TAPBPL: variants seen among roughly 807,000 people sequenced by gnomAD.
TAPBPL encodes the protein tapasin-related protein.
A neutral mutation model predicts 44.8 loss-of-function variants in TAPBPL; 32 were observed. That is an observed-to-expected ratio of 0.71 (90% CI 0.54 to 0.96). TAPBPL has a LOEUF of 0.96. TAPBPL is among the 40% of genes least tolerant of loss of function. The pLI, the probability that TAPBPL is intolerant of heterozygous loss-of-function variation, is 0.00. For synonymous variants in TAPBPL, 230 were observed against 240.7 expected (o/e 0.96, Z 0.41); for missense variants, 520 against 586.6 (o/e 0.89, Z 1.17).
At chr12:6,460,347 ACTCT>A (rs1949818696) in intron 5 of TAPBPL, among the ~76,000 whole-genome samples, 1 of 151,416 alleles carries the variant, frequency 6.6e-6, no homozygotes, top group Non-Finnish European at 1.5e-5. Flanking sequence ...CTCACTGCAA[ACTCT>A]GCCTCCCAGG....
intron 4 of TAPBPL, 100 bp downstream of exon 4, chr12:6,457,844 G>A: frequency 7.6e-7 from 1 of 1,313,840 alleles, no homozygotes. Context: ...TTCCTGAGAA[G>A]CAGGCTTCAA....
intron 3 of TAPBPL, among the ~76,000 whole-genome samples, chr12:6,455,937 T>C (rs1231908622): frequency 6.6e-6 from 1 of 152,076 alleles, no homozygotes; most frequent in Non-Finnish European, 1.5e-5. Flanking sequence ...TTTTTGTATT[T>C]TTAGTAGAGA....
chr12:6,463,727 G>C (rs114509703), downstream of TAPBPL: 718 of 1,155,560 alleles, frequency 6.2e-4, 4 homozygotes, highest in African/African-American at 0.011. The surrounding 1 kb of genome is among the most constrained non-coding windows in gnomAD (Gnocchi z 4.0). Flanking sequence ...TGTAGAAAAT[G>C]TAAAGAAGAG....
At chr12:6,460,651 A>G (rs1331765553) in intron 5 of TAPBPL, among the ~76,000 whole-genome samples, 2 of 152,246 alleles carry the variant, frequency 1.3e-5, no homozygotes, top group Admixed American at 1.3e-4. Flanking sequence ...GAAGAGGTAG[A>G]GAATTCTGTG....
downstream of TAPBPL, among the ~76,000 whole-genome samples, chr12:6,469,576 T>C (rs140677162): frequency 2.0e-5 from 3 of 152,334 alleles, no homozygotes; most frequent in Admixed American, 6.5e-5. Context: ...CACTCAACAG[T>C]AAAATATCTA....
At chr12:6,470,652 G>C, downstream of TAPBPL, 6 of 1,326,474 alleles carry the variant, frequency 4.5e-6, no homozygotes, top group Non-Finnish European at 4.3e-6. Context: ...CGACTACCCC[G>C]CGGTCTAGCT....
chr12:6,455,573 G>A (rs956164548), intron 3 of TAPBPL, among the ~76,000 whole-genome samples: 3 of 152,076 alleles, frequency 2.0e-5, no homozygotes, highest in Non-Finnish European at 2.9e-5. Flanking sequence ...CTCCCCACAC[G>A]ACTGCCTAGT....
intron 1 of TAPBPL, 153 bp downstream of exon 1, chr12:6,452,465 G>A: frequency 1.4e-6 from 2 of 1,441,086 alleles, no homozygotes; most frequent in Non-Finnish European, 1.8e-6. Context: ...GCTGGCAAAG[G>A]AAGGAACCAA....
intron 3 of TAPBPL, among the ~76,000 whole-genome samples, chr12:6,457,097 AGTAG>A (rs1489708940): frequency 6.6e-6 from 1 of 152,242 alleles, no homozygotes; most frequent in Admixed American, 6.5e-5. Context: ...CTGCTACTCT[AGTAG>A]TTCTTACCTG....
At chr12:6,452,650 A>C in intron 1 of TAPBPL, 1 of 1,259,266 alleles carries the variant, frequency 7.9e-7, no homozygotes, top group Non-Finnish European at 1.0e-6. Flanking sequence ...GTGACCTTGA[A>C]GGCGGGGGAG....
rs747011459 is a variant in TAPBPL at position 6,453,334 on chromosome 12, G to A, written c.295+37G>A. The A allele has an allele frequency of 1.9e-6, 3 of 1,611,034 alleles. No individual in the cohort carries two copies. Among genetic ancestry groups the A allele is most frequent in the Non-Finnish European group, 2.5e-6 (3 of 1,178,494 alleles). ...CCACCTGTGTCCTTGGTCCTCCCGG[G>A]CTCCCTCCACCAGGACAGCCCAGGT... On this transcript the variant is annotated intron_variant, in intron 2 of 6. Transcript: ENST00000266556. This position sits in a 1 kb window ranked among gnomAD's most constrained non-coding sequence, Gnocchi z 4.8.
chr12:6,452,557 C>T (rs2136974690), intron 1 of TAPBPL: 2 of 1,395,838 alleles, frequency 1.4e-6, no homozygotes, highest in Non-Finnish European at 1.9e-6. Context: ...TCAGGAGCCA[C>T]TGTCCTACAG....
downstream of TAPBPL, chr12:6,470,651 C>T (rs1945752630): frequency 3.0e-6 from 4 of 1,328,560 alleles, no homozygotes; most frequent in Non-Finnish European, 4.3e-6. Context: ...CCGACTACCC[C>T]GCGGTCTAGC....
Position 6,462,184 on chromosome 12 carries a change from C to T in TAPBPL, c.*35C>T, listed in dbSNP as rs760929425. ...ACATGAGACTACTAGAAAGAAACGA[C>T]ACCCTTCCCCAAGCCCCCACAGCTA... On this transcript the variant is annotated 3_prime_UTR_variant, in exon 7 of 7. Coordinates refer to ENST00000266556, the MANE Select transcript of TAPBPL (RefSeq NM_018009.5). 1.3e-6 allele frequency: 2 copies of T among 1,535,564 alleles called. No homozygotes were observed. Among genetic ancestry groups the T allele is most frequent in the East Asian group, 2.4e-5 (1 of 42,192 alleles).
downstream of TAPBPL, chr12:6,465,357 AG>A (rs1949977019): frequency 4.7e-6 from 1 of 214,354 alleles, no homozygotes. Context: ...AAAAGAAAAA[AG>A]TATATATATA....
chr12:6,454,175 A>C (rs1290852676), intron 3 of TAPBPL, among the ~76,000 whole-genome samples: 1 of 151,690 alleles, frequency 6.6e-6, no homozygotes, highest in Non-Finnish European at 1.5e-5. Context: ...CTTCCTAAAA[A>C]CCCCTGAGTC....
Position 6,454,425 on chromosome 12 carries a change from G to A in TAPBPL, c.565+709G>A, listed in dbSNP as rs548055166. ...GGTGGTTGCAGTGAGCCGAGATTGC[G>A]CCACTGCACTCCAGCCTGGGCAGCT... On this transcript the variant is annotated intron_variant, in intron 3 of 6. Coordinates refer to ENST00000266556, the MANE Select transcript of TAPBPL (RefSeq NM_018009.5). Among the ~76,000 whole-genome samples the A allele has an allele frequency of 9.2e-5, 14 of 152,156 alleles. No homozygotes were observed. The East Asian group carries it at 2.1e-3, about 23-fold the overall frequency.
At chr12:6,459,985 G>C (rs1284334525) in intron 5 of TAPBPL, among the ~76,000 whole-genome samples, 1 of 151,934 alleles carries the variant, frequency 6.6e-6, no homozygotes, top group African/African-American at 2.4e-5. Context: ...GGCCAGGCTG[G>C]TCTCAAACTC....
rs1949892600 is a variant in TAPBPL at position 6,462,314 on chromosome 12, G to A, written c.*165G>A. ...GTAAATATGCCACATGCCTTTGGTG[G>A]AAGTACAACTGTTGTTATTACTCTA... On this transcript the variant is annotated 3_prime_UTR_variant, in exon 7 of 7. Transcript: ENST00000266556. 1.8e-5 allele frequency: 11 copies of A among 595,954 alleles called. No homozygotes were observed. In the South Asian group the frequency reaches 2.3e-4, roughly 12 times the overall value. The allele number at this position is 595,954 out of a possible 1,614,324, so 36.9% of individuals were successfully genotyped here.
Sources: allele counts gnomAD v4.1 joint callset (sites outside exome capture counted in the v4.1 genomes callset), GRCh38; gene constraint gnomAD v4.1.1; non-coding constraint Gnocchi (gnomAD v3.1); transcripts MANE v1.5; gene names NCBI Gene and HGNC (gene_info 2026-07-23, HGNC 2026-07-21).